Variants in SCML4 observed in about 807,000 individuals in gnomAD.
SCML4 encodes the protein sex comb on midleg-like protein 4.
SCML4 carries 34 observed loss-of-function variants against 41.1 expected under a neutral mutation model. That is an observed-to-expected ratio of 0.83 (90% CI 0.63 to 1.10). The LOEUF (loss-of-function observed/expected upper bound fraction) is 1.10. Among genes scored for constraint, SCML4 ranks in the 50% least tolerant of loss-of-function variants. The pLI, the probability that SCML4 is intolerant of heterozygous loss-of-function variation, is 0.00. For missense variants in SCML4, 522 were observed against 534.1 expected (o/e 0.98, Z 0.22); for synonymous variants, 214 against 220.9 (o/e 0.97, Z 0.28).
At chr6:107,756,439 C>T (rs931177917) in intron 2 of SCML4, among the ~76,000 whole-genome samples, 1 of 152,136 alleles carries the variant, frequency 6.6e-6, no homozygotes, top group Admixed American at 6.5e-5. Flanking sequence ...AATACCCAAC[C>T]AGTACTCCTC....
At chr6:107,738,242 TG>T (rs1777261620) in intron 5 of SCML4, among the ~76,000 whole-genome samples, 1 of 152,182 alleles carries the variant, frequency 6.6e-6, no homozygotes, top group African/African-American at 2.4e-5. Flanking sequence ...CTAATAGAAT[TG>T]GAGGGAAATA....
At chr6:107,843,747 G>T in the SCML4 span, among the ~76,000 whole-genome samples, 106,143 of 152,042 alleles carry the variant, frequency 0.7, 38,675 homozygotes, top group South Asian at 0.87. Context: ...TTTCCAGGCA[G>T]GGATAACCCA....
intron 2 of SCML4, among the ~76,000 whole-genome samples, chr6:107,765,264 C>A (rs980280361): frequency 6.6e-6 from 1 of 152,174 alleles, no homozygotes; most frequent in African/African-American, 2.4e-5. Flanking sequence ...GTCAGCCCAG[C>A]TGATGAGAAT....
At chr6:107,832,623 G>A in the SCML4 span, among the ~76,000 whole-genome samples, 2 of 152,174 alleles carry the variant, frequency 1.3e-5, no homozygotes, top group African/African-American at 4.8e-5. Context: ...TCTGCTTTCC[G>A]CCAGGCACTG....
At chr6:107,802,711 T>TCCCCCTCTCCCTCTCCCC (rs1783283607) in intron 1 of SCML4, among the ~76,000 whole-genome samples, 1 of 128,446 alleles carries the variant, frequency 7.8e-6, no homozygotes, top group African/African-American at 3.8e-5. Context: ...CTCTCCCTCC[T>TCCCCCTCTCCCTCTCCCC]CTCCCTCTCC....
At chr6:107,774,939 G>A (rs1780808077) in intron 1 of SCML4, among the ~76,000 whole-genome samples, 1 of 151,478 alleles carries the variant, frequency 6.6e-6, no homozygotes, top group African/African-American at 2.4e-5. Flanking sequence ...AGGTTGCAGT[G>A]AGCTAAGATC....
At chr6:107,825,403 T>C (rs547787854), upstream of SCML4, among the ~76,000 whole-genome samples, 64 of 152,352 alleles carry the variant, frequency 4.2e-4, no homozygotes, top group African/African-American at 1.4e-3. Context: ...TCTCTAAATA[T>C]ATGTGTAGAG....
intron 2 of SCML4, among the ~76,000 whole-genome samples, chr6:107,758,208 G>A (rs545618989): frequency 5.9e-5 from 9 of 152,218 alleles, no homozygotes; most frequent in Admixed American, 1.3e-4. Context: ...TAGGTGACCA[G>A]GGTAGGCCTA....
At chr6:107,732,012 A>C (rs972298884) in intron 5 of SCML4, 1 of 152,176 alleles carries the variant, frequency 6.6e-6, no homozygotes, top group Non-Finnish European at 1.5e-5. Flanking sequence ...AGCCTCTCCC[A>C]CTGTCCTCTG....
At chr6:107,725,632 T>G (rs1018917226) in intron 5 of SCML4, among the ~76,000 whole-genome samples, 2 of 152,068 alleles carry the variant, frequency 1.3e-5, no homozygotes, top group Non-Finnish European at 2.9e-5. Context: ...GAATAAAAAA[T>G]GTAAATGTAA....
intron 5 of SCML4, among the ~76,000 whole-genome samples, chr6:107,733,543 T>C (rs1287863413): frequency 1.3e-5 from 2 of 152,216 alleles, no homozygotes; most frequent in Non-Finnish European, 2.9e-5. Flanking sequence ...TTTGCCATTC[T>C]AACCCTAGTT....
intron 6 of SCML4, among the ~76,000 whole-genome samples, chr6:107,711,941 T>C (rs1480090486): frequency 6.6e-6 from 1 of 152,156 alleles, no homozygotes; most frequent in Non-Finnish European, 1.5e-5. Flanking sequence ...CCTAAACACA[T>C]AATGGTTTGG....
chr6:107,759,321 C>T (rs1242606871), intron 2 of SCML4, among the ~76,000 whole-genome samples: 3 of 107,666 alleles, frequency 2.8e-5, no homozygotes, highest in African/African-American at 4.2e-5. Flanking sequence ...CAGAGCCAGA[C>T]CCTGTCTCAA....
intron 1 of SCML4, among the ~76,000 whole-genome samples, chr6:107,777,143 G>C (rs1260734673): frequency 6.6e-6 from 1 of 152,162 alleles, no homozygotes; most frequent in Non-Finnish European, 1.5e-5. Context: ...GTTTGAGATG[G>C]AGTCTTGCTG....
At chr6:107,829,199 G>A (rs1323092643), upstream of SCML4, among the ~76,000 whole-genome samples, 1 of 151,938 alleles carries the variant, frequency 6.6e-6, no homozygotes, top group Non-Finnish European at 1.5e-5. Flanking sequence ...GGGCAACATG[G>A]GAGACCTTGT....
At chr6:107,810,307 T>C (rs1784065032) in intron 1 of SCML4, among the ~76,000 whole-genome samples, 1 of 152,178 alleles carries the variant, frequency 6.6e-6, no homozygotes, top group Non-Finnish European at 1.5e-5. Flanking sequence ...GACATGTGGA[T>C]AGAGAATGCC....
At chr6:107,827,158 A>G (rs1785289772), upstream of SCML4, among the ~76,000 whole-genome samples, 2 of 148,016 alleles carry the variant, frequency 1.4e-5, no homozygotes, top group African/African-American at 4.9e-5. Flanking sequence ...TATTTAATAA[A>G]TTATTCATTA....
In SCML4 at chr6:107,720,756, G is replaced by A; in HGVS notation, c.920C>T (p.Pro307Leu). ...SGGPSAPGLR[P>L]PASSPKRNTT... ...GTTTCTCTTGGGGCTGGAGGCTGGA[G>A]GCCTCAGCCCAGGTGCCGAGGGGCC... The change falls in exon 6 of 8, where the codon CCT becomes CTT. Residue 307 changes from proline to leucine, a missense_variant. Physicochemically the swap from Pro to Leu is moderately conservative, Grantham distance 98. Transcript: ENST00000369020. 1 of 1,605,218 alleles carries A rather than the reference G, an allele frequency of 6.2e-7. No homozygotes were observed. Among genetic ancestry groups the A allele is most frequent in the East Asian group, 2.2e-5 (1 of 44,742 alleles).
chr6:107,824,502 G>A (rs1785171321), upstream of SCML4, among the ~76,000 whole-genome samples: 1 of 136,944 alleles, frequency 7.3e-6, no homozygotes, highest in South Asian at 2.2e-4. Context: ...GTGTGTGTGT[G>A]TGTGTGTGTG....
Sources: gnomAD v4.1 joint callset for allele counts (sites outside exome capture counted in the v4.1 genomes callset) on GRCh38, gnomAD v4.1.1 for gene constraint, MANE v1.5 for transcripts, NCBI Gene and HGNC (gene_info 2026-07-23, HGNC 2026-07-21) for gene names.